The following LAMA2 variants were observed in gnomAD, a reference collection of about 807,000 sequenced individuals.
LAMA2 encodes the protein laminin subunit alpha-2.
Under a neutral mutation model 364.8 loss-of-function variants are expected in LAMA2, and 269 were observed. The observed-to-expected ratio is 0.74, with a 90% confidence interval of 0.67 to 0.82. The LOEUF (loss-of-function observed/expected upper bound fraction) is 0.82, where lower values mean the gene tolerates loss of function less well. Among genes scored for constraint, LAMA2 ranks in the 40% least tolerant of loss-of-function variants. LAMA2 has a pLI of 0.00. For missense variants in LAMA2, 3,807 were observed against 3,873.2 expected (o/e 0.98, Z 0.45); for synonymous variants, 1,379 against 1,370.6 (o/e 1.01, Z -0.14).
At chr6:129,009,399 T>C (rs961998734) in intron 1 of LAMA2, among the ~76,000 whole-genome samples, 5 of 152,084 alleles carry the variant, frequency 3.3e-5, no homozygotes, top group African/African-American at 1.2e-4. Flanking sequence ...CATTTTTTTT[T>C]CCAATTAGGA....
intron 4 of LAMA2, among the ~76,000 whole-genome samples, chr6:129,100,713 A>G (rs1363697049): frequency 6.6e-6 from 1 of 152,326 alleles, no homozygotes; most frequent in East Asian, 1.9e-4. Flanking sequence ...ATGTAAGTAG[A>G]AAGAATCCTA....
intron 62 of LAMA2, among the ~76,000 whole-genome samples, chr6:129,508,415 A>AT (rs1489820825): frequency 2.9e-5 from 3 of 102,996 alleles, no homozygotes; most frequent in African/African-American, 9.8e-5. Context: ...TAAATGTACA[A>AT]TTATTTTTTT....
chr6:129,311,495 C>T (rs552419898), intron 22 of LAMA2, among the ~76,000 whole-genome samples: 1 of 152,268 alleles, frequency 6.6e-6, no homozygotes, highest in South Asian at 2.1e-4. Context: ...TCCAAGGCCT[C>T]TATTGACTAA....
intron 3 of LAMA2, among the ~76,000 whole-genome samples, chr6:129,091,112 G>T (rs1161286195): frequency 6.6e-6 from 1 of 152,102 alleles, no homozygotes; most frequent in Non-Finnish European, 1.5e-5. Context: ...ATGAAAAAAT[G>T]AAATTGCATT....
At chr6:129,129,950 A>G (rs1239669118) in intron 4 of LAMA2, among the ~76,000 whole-genome samples, 1 of 150,772 alleles carries the variant, frequency 6.6e-6, no homozygotes, top group African/African-American at 2.4e-5. Flanking sequence ...AAAATAACAT[A>G]TTTTAGAGAC....
chr6:129,431,482 A>G (rs1275631679), intron 41 of LAMA2, among the ~76,000 whole-genome samples: 2 of 151,958 alleles, frequency 1.3e-5, no homozygotes, highest in East Asian at 3.9e-4. Context: ...GAGATCTATG[A>G]CAGCTCATTT....
At chr6:129,477,939 C>T (rs1408609349) in intron 53 of LAMA2, among the ~76,000 whole-genome samples, 1 of 152,078 alleles carries the variant, frequency 6.6e-6, no homozygotes, top group Admixed American at 6.5e-5. Context: ...CACACACCAA[C>T]ATGCCCAGCT....
At chr6:128,988,225 A>G (rs1223860733) in intron 1 of LAMA2, among the ~76,000 whole-genome samples, 1 of 152,216 alleles carries the variant, frequency 6.6e-6, no homozygotes, top group Non-Finnish European at 1.5e-5. Context: ...GGATATCTAC[A>G]AAAGTTATTT....
chr6:129,350,889 G>A (rs1776816243), intron 31 of LAMA2, among the ~76,000 whole-genome samples: 1 of 152,130 alleles, frequency 6.6e-6, no homozygotes, highest in African/African-American at 2.4e-5. Context: ...TCTAAACACA[G>A]TATCCAATAT....
intron 44 of LAMA2, among the ~76,000 whole-genome samples, chr6:129,445,417 T>A (rs1782315802): frequency 6.6e-6 from 1 of 152,190 alleles, no homozygotes; most frequent in Non-Finnish European, 1.5e-5. Context: ...TTCTCTACCT[T>A]CAATGCTAAT....
At chr6:129,454,116 A>G in intron 46 of LAMA2, 39 bp from the exon 47 acceptor site, 2 of 1,593,086 alleles carry the variant, frequency 1.3e-6, no homozygotes, top group Non-Finnish European at 1.7e-6. Flanking sequence ...AAGGTGCTTT[A>G]TATCTGATAT....
At chr6:129,324,892 T>C (rs571534207) in intron 28 of LAMA2, among the ~76,000 whole-genome samples, 1 of 152,292 alleles carries the variant, frequency 6.6e-6, no homozygotes, top group East Asian at 1.9e-4. Context: ...ACATTCCAGG[T>C]GAGGAAACCA....
At chr6:128,944,671 C>T (rs1030164048) in intron 1 of LAMA2, among the ~76,000 whole-genome samples, 5 of 151,422 alleles carry the variant, frequency 3.3e-5, no homozygotes, top group Non-Finnish European at 5.9e-5. Context: ...AAAGAAAAGA[C>T]GATTAAGTGG....
rs1583288899 is a variant in LAMA2 at position 129,224,715 on chromosome 6, G to A, written c.1783-25397G>A. ...GATCGTGGTGGATAAGCTTTTTGAT[G>A]TGCTGCTGCATTCAGTTTGCCATTA... On this transcript the variant is annotated intron_variant, in intron 12 of 64. Transcript: ENST00000421865. 3.3e-5 allele frequency among the ~76,000 whole-genome samples: 5 copies of A among 152,272 alleles called. 1 individual carries two copies. The highest frequency in any genetic ancestry group is 1.2e-4 in the African/African-American group (5 of 41,552).
intron 1 of LAMA2, among the ~76,000 whole-genome samples, chr6:128,908,896 C>A (rs1462814149): frequency 6.8e-6 from 1 of 147,594 alleles, no homozygotes; most frequent in Non-Finnish European, 1.5e-5. Context: ...GTTATGTACC[C>A]AGTAGTCATT....
chr6:129,241,781 C>G lies in LAMA2; in HGVS notation c.1783-8331C>G, dbSNP rs567180008. 5.9e-5 allele frequency among the ~76,000 whole-genome samples: 9 copies of G among 152,260 alleles called. No homozygotes were observed. The East Asian group carries it at 1.7e-3, about 29-fold the overall frequency. ...GACACTTAAAATGTATTTTATTACC[C>G]TGTTGATTCTCCTCTGGAGTGTGAC... On this transcript the variant is annotated intron_variant, in intron 12 of 64. Coordinates refer to ENST00000421865, the MANE Select transcript of LAMA2 (RefSeq NM_000426.4).
chr6:129,316,198 C>G (rs370011968), intron 27 of LAMA2, 27 bp downstream of exon 27: 1 of 1,570,872 alleles, frequency 6.4e-7, no homozygotes, highest in Non-Finnish European at 8.7e-7. Context: ...AATATTCAAG[C>G]TCTTATTTTA....
At chr6:129,043,268 T>A (rs980831533) in intron 1 of LAMA2, among the ~76,000 whole-genome samples, 3 of 152,208 alleles carry the variant, frequency 2.0e-5, no homozygotes, top group Non-Finnish European at 4.4e-5. Flanking sequence ...TTTATTATAG[T>A]TGTCATATAT....
At chr6:129,415,469 T>C (rs546251329) in intron 40 of LAMA2, among the ~76,000 whole-genome samples, 1 of 152,324 alleles carries the variant, frequency 6.6e-6, no homozygotes, top group Admixed American at 6.5e-5. Context: ...TCCAAATTTT[T>C]TCTATCTCCT....
Sources: gnomAD v4.1 joint callset for allele counts (sites outside exome capture counted in the v4.1 genomes callset) on GRCh38, gnomAD v4.1.1 for gene constraint, MANE v1.5 for transcripts, NCBI Gene and HGNC (gene_info 2026-07-23, HGNC 2026-07-21) for gene names.